Variants in ADGRV1 observed in about 807,000 individuals in gnomAD.
ADGRV1 encodes the protein G-protein coupled receptor 98.
A neutral mutation model predicts 596.2 loss-of-function variants in ADGRV1; 359 were observed. That is an observed-to-expected ratio of 0.60 (90% confidence interval 0.55 to 0.66). The LOEUF (loss-of-function observed/expected upper bound fraction) is 0.66. Among genes scored for constraint, ADGRV1 ranks in the 30% least tolerant of loss-of-function variants. ADGRV1 has a pLI of 0.00. For missense variants in ADGRV1, 7,274 were observed against 7,575.6 expected, an observed-to-expected ratio of 0.96 and a Z score of 1.48; for synonymous variants, 2,681 against 2,679.2, an observed-to-expected ratio of 1.00 and a Z score of -0.02.
chr5:90,614,155 G>GAAAAAA, intron 1 of ADGRV1: 3 of 259,212 alleles, frequency 1.2e-5, no homozygotes, highest in South Asian at 6.4e-5. Flanking sequence ...ATATCATAGT[G>GAAAAAA]AAAAAAAAAA....
At chr5:91,003,672 A>G (rs1360359627) in intron 85 of ADGRV1, among the ~76,000 whole-genome samples, 4 of 152,220 alleles carry the variant, frequency 2.6e-5, no homozygotes, top group Non-Finnish European at 5.9e-5. Flanking sequence ...TTAAACACTC[A>G]GACAAAAATT....
intron 85 of ADGRV1, among the ~76,000 whole-genome samples, chr5:91,030,625 A>G (rs1784404083): frequency 2.0e-5 from 3 of 152,056 alleles, no homozygotes; most frequent in Admixed American, 1.3e-4. Flanking sequence ...AGACCTTTTT[A>G]TACTTAACAC....
intron 85 of ADGRV1, among the ~76,000 whole-genome samples, chr5:91,043,206 G>A (rs1360951671): frequency 6.6e-6 from 1 of 152,128 alleles, no homozygotes; most frequent in African/African-American, 2.4e-5. Context: ...ATACAGTGGA[G>A]TTGTCCATTG....
intron 85 of ADGRV1, among the ~76,000 whole-genome samples, chr5:90,995,595 T>C (rs1415563851): frequency 6.6e-6 from 1 of 152,150 alleles, no homozygotes; most frequent in Non-Finnish European, 1.5e-5. Context: ...GGCATTGTTA[T>C]GAAGATACCT....
intron 85 of ADGRV1, among the ~76,000 whole-genome samples, chr5:91,071,096 G>A (rs146641147): frequency 3.5e-4 from 54 of 152,180 alleles, no homozygotes; most frequent in African/African-American, 1.2e-3. Flanking sequence ...CTCCTCCCAG[G>A]AAGAAAACTC....
chr5:90,755,072 T>G lies in ADGRV1; in HGVS notation c.11467T>G (p.Leu3823Val). Reference protein sequence around the residue: ...AIHLRAQPNFLLHVDNQATEN... With the variant: ...AIHLRAQPNFVLHVDNQATEN... ...TCACTTGAGAGCTCAACCCAATTTC[T>G]TACTGCATGTCGATAATCAAGCTAC... Residue 3823 changes from leucine to valine, a missense_variant, in exon 55 of 90, where the codon TTA becomes GTA. By Grantham distance (32) the Leu-to-Val change is conservative (BLOSUM62 1). Transcript: ENST00000405460. 1 of 1,611,386 alleles carries G rather than the reference T, an allele frequency of 6.2e-7. No homozygotes were observed. Among genetic ancestry groups the G allele is most frequent in the Non-Finnish European group, 8.5e-7 (1 of 1,177,594 alleles).
In ADGRV1 at chr5:90,628,814, A is replaced by G. The variant is rs1465432872; in HGVS notation, c.1491A>G (p.Glu497=). The change falls in exon 8 of 90, where the codon GAA becomes GAG. Residue 497 remains glutamate (E), a synonymous_variant. Transcript: ENST00000405460. Reference sequence around the variant, plus strand: ...CTCATACAATACGAGGAGGTGCAGAAGTGAGCGAGCCAGCGGAGGTATAAC... The same window carrying G: ...CTCATACAATACGAGGAGGTGCAGAGGTGAGCGAGCCAGCGGAGGTATAAC... ...ILPHTIRGGA[E]VSEPAELLFY... is the part of the protein sequence containing the mutation. 2 of 1,614,022 alleles carry G rather than the reference A, an allele frequency of 1.2e-6. No homozygotes were observed. Among genetic ancestry groups the G allele is most frequent in the Admixed American group, 3.3e-5 (2 of 60,016 alleles).
chr5:90,880,369 C>G (rs1769644630), intron 83 of ADGRV1, among the ~76,000 whole-genome samples: 1 of 152,094 alleles, frequency 6.6e-6, no homozygotes. Context: ...TTGCTAAAGG[C>G]TTTAATCAGA....
chr5:91,044,426 A>T (rs1466155288), intron 85 of ADGRV1, among the ~76,000 whole-genome samples: 1 of 152,230 alleles, frequency 6.6e-6, no homozygotes, highest in Non-Finnish European at 1.5e-5. Flanking sequence ...GTCAAGAAAA[A>T]GTCACTTTTT....
At chr5:90,560,550 A>G (rs1053593995) in intron 1 of ADGRV1, among the ~76,000 whole-genome samples, 6 of 152,078 alleles carry the variant, frequency 3.9e-5, no homozygotes, top group African/African-American at 1.4e-4. Flanking sequence ...ATTTTTTCCA[A>G]ATGCTCTTAG....
intron 85 of ADGRV1, among the ~76,000 whole-genome samples, chr5:91,051,356 C>T (rs1786302506): frequency 6.6e-6 from 1 of 152,036 alleles, no homozygotes; most frequent in Admixed American, 6.6e-5. Context: ...CATTCTTTCA[C>T]TTTCAGTATA....
intron 85 of ADGRV1, among the ~76,000 whole-genome samples, chr5:91,059,078 G>C (rs948549324): frequency 1.5e-4 from 23 of 152,032 alleles, no homozygotes; most frequent in Admixed American, 1.1e-3. Flanking sequence ...CTTGTATACT[G>C]TATACATAGG....
Position 90,838,349 on chromosome 5 carries a change from C to A in ADGRV1, c.16612-2229C>A, listed in dbSNP as rs530908010. ...ACACCTTCCTGCTCTTAATCCTTAC[C>A]TCACTTGGAGCTCCTTCCTGTTGGC... On this transcript the variant is annotated intron_variant, in intron 77 of 89. Coordinates refer to ENST00000405460, the MANE Select transcript of ADGRV1 (RefSeq NM_032119.4). Among the ~76,000 whole-genome samples the A allele has an allele frequency of 3.7e-4, 56 of 152,020 alleles. No homozygotes were observed. In the South Asian group the frequency reaches 0.011, roughly 30 times the overall value.
rs749713826 is a variant in ADGRV1 at position 90,683,662 on chromosome 5, C to A, written c.5741C>A (p.Ala1914Asp). The A allele has an allele frequency of 6.2e-7, 1 of 1,613,622 alleles. No individual in the cohort carries two copies. Among genetic ancestry groups the A allele is most frequent in the South Asian group, 1.1e-5 (1 of 91,064 alleles). Residue 1914 changes from alanine to aspartate, a missense_variant, in exon 28 of 90, where the codon GCC (alanine) becomes GAC (aspartate). By Grantham distance (126) the Ala-to-Asp change is moderately radical. Around this residue, in one of 5 missense-constraint regions of ADGRV1, gnomAD observed 3,643 missense variants for 3,809.2 expected, o/e 0.96. Transcript: ENST00000405460. The part of the protein sequence containing the change: ...NIDSDPDGDL[A>D]FTSGNITFEI... ...GACTCTGATCCTGATGGTGATCTCGCCTTCACCTCTGGCAACATCACATTT... is the reference window on the plus strand; with the variant it reads ...GACTCTGATCCTGATGGTGATCTCGACTTCACCTCTGGCAACATCACATTT...
chr5:91,105,440 T>A (rs75476983), intron 87 of ADGRV1, among the ~76,000 whole-genome samples: 1 of 152,206 alleles, frequency 6.6e-6, no homozygotes, highest in East Asian at 1.9e-4. Flanking sequence ...GTTGTACTAG[T>A]TTATATTCCC....
At chr5:91,083,591 G>A (rs534188974) in intron 86 of ADGRV1, among the ~76,000 whole-genome samples, 38 of 152,106 alleles carry the variant, frequency 2.5e-4, no homozygotes, top group Middle Eastern at 3.4e-3. Context: ...GGCCAGAGGC[G>A]GTAACAAACT....
In ADGRV1 at chr5:90,689,926, C is replaced by A. The variant is rs1357549892; in HGVS notation, c.6556C>A (p.Pro2186Thr). 1.9e-6 allele frequency: 3 copies of A among 1,613,026 alleles called. No individual in the cohort carries two copies. Among genetic ancestry groups the A allele is most frequent in the Non-Finnish European group, 2.5e-6 (3 of 1,179,404 alleles). Residue 2186 changes from proline (P) to threonine (T), a missense_variant, in exon 30 of 90, where the codon CCA (proline) becomes ACA (threonine). This residue lies in a region of ADGRV1 where 3,643 missense variants were observed against 3,809.2 expected (regional missense o/e 0.96). Coordinates refer to ENST00000405460, the MANE Select transcript of ADGRV1 (RefSeq NM_032119.4). ...AGAAGGGGAAACCAGTAAAGCCGTGCCAATATATGTCATTAATGATATCTA... is the reference window on the plus strand; with the variant it reads ...AGAAGGGGAAACCAGTAAAGCCGTGACAATATATGTCATTAATGATATCTA... ...LLEGETSKAV[P>T]IYVINDIYPE...
At chr5:91,153,538 G>A (rs1056307283) in intron 89 of ADGRV1, 140 bp downstream of exon 89, 4 of 467,898 alleles carry the variant, frequency 8.5e-6, no homozygotes, top group African/African-American at 8.0e-5. Context: ...CTAATCCCAG[G>A]AAAACTCTAG....
chr5:91,134,950 G>A (rs937218912), intron 87 of ADGRV1, among the ~76,000 whole-genome samples: 3 of 152,080 alleles, frequency 2.0e-5, no homozygotes, highest in African/African-American at 7.2e-5. Flanking sequence ...GGGAGGCCAA[G>A]GTGGGCAGAT....
Sources: gnomAD v4.1 joint callset for allele counts (sites outside exome capture counted in the v4.1 genomes callset) on GRCh38, gnomAD v4.1.1 for gene constraint, gnomAD v4.1.1 regional missense constraint, MANE v1.5 for transcripts, NCBI Gene and HGNC (gene_info 2026-07-23, HGNC 2026-07-21) for gene names.